Variants in PDE4D observed in about 807,000 individuals in gnomAD.
The protein encoded by PDE4D is phosphodiesterase 4D.
A neutral mutation model predicts 87.4 loss-of-function variants in PDE4D; 24 were observed. That is an observed-to-expected ratio of 0.27 (90% confidence interval 0.20 to 0.39). The LOEUF (loss-of-function observed/expected upper bound fraction) is 0.39. Ranked by LOEUF, PDE4D falls within the 10% of genes least tolerant of loss-of-function variation. PDE4D has a pLI of 1.00. For synonymous variants in PDE4D, 384 were observed against 383.2 expected (o/e 1.00, Z -0.02); for missense variants, 714 against 1,041.0 (o/e 0.69, Z 4.32).
intron 3 of PDE4D, chr5:59,986,846 A>G (rs1442833602): frequency 6.6e-6 from 1 of 152,208 alleles, no homozygotes. Flanking sequence ...GGCCTCCAGT[A>G]AAAACTCTAG....
chr5:60,179,986 A>C (rs1403089911), intron 2 of PDE4D, among the ~76,000 whole-genome samples: 1 of 152,114 alleles, frequency 6.6e-6, no homozygotes, highest in East Asian at 1.9e-4. Flanking sequence ...ATTTCTCTCC[A>C]TTTTTTTGTA....
At chr5:59,942,312 G>C (rs1016954587) in intron 3 of PDE4D, among the ~76,000 whole-genome samples, 1 of 152,172 alleles carries the variant, frequency 6.6e-6, no homozygotes, top group African/African-American at 2.4e-5. Flanking sequence ...TTCTCTCTCT[G>C]TATTTCTGCC....
chr5:59,864,841 C>T (rs1746784098), intron 1 of PDE4D, among the ~76,000 whole-genome samples: 1 of 152,126 alleles, frequency 6.6e-6, no homozygotes, highest in Non-Finnish European at 1.5e-5. Context: ...AGAGGAGTTG[C>T]TGCTAGAGGC....
intron 1 of PDE4D, among the ~76,000 whole-genome samples, chr5:60,408,945 C>A (rs76900832): frequency 0.023 from 3,456 of 152,268 alleles, 118 homozygotes; most frequent in African/African-American, 0.079. Context: ...AGCATTCAGT[C>A]ACTTATCATG....
rs563138052 is a variant in PDE4D at position 59,323,602 on chromosome 5, A to C, written c.456-107634T>G. ...TCCCTATTTCTCTTACCTATTAACC[A>C]AGTCCTGTTTAGTCAAAACCCCTAA... On this transcript the variant is annotated intron_variant, in intron 1 of 14. Coordinates refer to ENST00000340635, the MANE Select transcript of PDE4D (RefSeq NM_001104631.2). Among the ~76,000 whole-genome samples, 4 of 152,190 alleles carry C rather than the reference A, an allele frequency of 2.6e-5. No homozygotes were observed. The South Asian group carries it at 8.3e-4, about 32-fold the overall frequency.
At chr5:60,519,665 G>A (rs1357142560) in intron 1 of PDE4D, among the ~76,000 whole-genome samples, 1 of 152,224 alleles carries the variant, frequency 6.6e-6, no homozygotes, top group African/African-American at 2.4e-5. Flanking sequence ...GTCTCTGTTG[G>A]TGGGTGGGAT....
intron 5 of PDE4D, among the ~76,000 whole-genome samples, chr5:59,121,402 G>A (rs1012999738): frequency 3.3e-5 from 5 of 151,984 alleles, no homozygotes; most frequent in South Asian, 2.1e-4. Flanking sequence ...GACATAAATA[G>A]GCATTTCTCA....
chr5:60,332,606 C>G (rs1376310659), intron 1 of PDE4D, among the ~76,000 whole-genome samples: 1 of 152,120 alleles, frequency 6.6e-6, no homozygotes, highest in Non-Finnish European at 1.5e-5. Flanking sequence ...AAAAAATCAA[C>G]AGTATCCAAA....
chr5:59,234,144 C>A (rs184557569), intron 1 of PDE4D, among the ~76,000 whole-genome samples: 17 of 152,084 alleles, frequency 1.1e-4, no homozygotes, highest in Non-Finnish European at 2.5e-4. Context: ...TCAAGTTTTA[C>A]TTCTCCAGCC....
intron 1 of PDE4D, among the ~76,000 whole-genome samples, chr5:59,687,766 T>A (rs1214314433): frequency 1.3e-5 from 2 of 151,990 alleles, no homozygotes; most frequent in Non-Finnish European, 2.9e-5. Flanking sequence ...TAAAAGATGC[T>A]AACTGGCAAA....
chr5:59,323,196 T>C (rs552491480), intron 1 of PDE4D, among the ~76,000 whole-genome samples: 1 of 152,232 alleles, frequency 6.6e-6, no homozygotes, highest in African/African-American at 2.4e-5. Context: ...AATCTTTTTA[T>C]GCAAGATTCA....
chr5:59,126,106 AAAG>A (rs1315712049), intron 5 of PDE4D, among the ~76,000 whole-genome samples: 10 of 139,174 alleles, frequency 7.2e-5, no homozygotes, highest in Non-Finnish European at 9.1e-5. Flanking sequence ...AAAAAAAAAA[AAAG>A]AGAGAGAGAG....
intron 1 of PDE4D, among the ~76,000 whole-genome samples, chr5:59,460,027 TAAG>T (rs1800523666): frequency 2.0e-5 from 3 of 152,026 alleles, no homozygotes; most frequent in African/African-American, 7.3e-5. Flanking sequence ...CCTGTAATGT[TAAG>T]AAGACATTAA....
chr5:59,340,583 C>T (rs937788193), intron 1 of PDE4D, among the ~76,000 whole-genome samples: 1 of 152,100 alleles, frequency 6.6e-6, no homozygotes, highest in Admixed American at 6.6e-5. Flanking sequence ...ATTATTGTGA[C>T]TGCAATCAGT....
chr5:60,200,778 T>C (rs1741810011), intron 1 of PDE4D, among the ~76,000 whole-genome samples: 1 of 152,204 alleles, frequency 6.6e-6, no homozygotes. Flanking sequence ...ATCCATATTA[T>C]TCATGAGTTT....
rs369463902 is a variant in PDE4D at position 60,087,360 on chromosome 5, A to G, written c.42+98197T>C. On this transcript the variant is annotated intron_variant, in intron 2 of 16. Transcript: ENST00000502484. The stretch of plus-strand genomic sequence containing the variant: ...AAAGACACAAGGATTGTGGAAACTC[A>G]GGGAAATATGACACCACTCAAAGAA... Among the ~76,000 whole-genome samples the G allele has an allele frequency of 2.4e-4, 36 of 152,322 alleles. 1 individual carries two copies. Among genetic ancestry groups the G allele is most frequent in the Middle Eastern group, 3.4e-3 (1 of 294 alleles).
At chr5:60,464,006 C>T (rs560193417) in intron 1 of PDE4D, among the ~76,000 whole-genome samples, 1 of 152,108 alleles carries the variant, frequency 6.6e-6, no homozygotes, top group Non-Finnish European at 1.5e-5. Context: ...GAAATTTTAA[C>T]CCATTTCTTT....
At chr5:59,542,329 G>A (rs1303554173) in intron 1 of PDE4D, among the ~76,000 whole-genome samples, 3 of 152,158 alleles carry the variant, frequency 2.0e-5, no homozygotes, top group African/African-American at 4.8e-5. Context: ...GCAGCACCCA[G>A]TGATCACACT....
chr5:59,622,413 T>C (rs1830449731), intron 1 of PDE4D, among the ~76,000 whole-genome samples: 1 of 152,212 alleles, frequency 6.6e-6, no homozygotes, highest in Non-Finnish European at 1.5e-5. Context: ...TTCAGTTCCA[T>C]CTGATGTAGC....
Sources: gnomAD v4.1 joint callset for allele counts (sites outside exome capture counted in the v4.1 genomes callset) on GRCh38, gnomAD v4.1.1 for gene constraint, MANE v1.5 for transcripts, NCBI Gene and HGNC (gene_info 2026-07-23, HGNC 2026-07-21) for gene names.